Variants in H2BC17 observed in about 807,000 individuals in gnomAD.
H2BC17 encodes histone H2B type 1-O.
Under a neutral mutation model 6.1 loss-of-function variants are expected in H2BC17, and 11 were observed. That is an observed-to-expected ratio of 1.79 (90% CI 1.13 to 2.97). The LOEUF (loss-of-function observed/expected upper bound fraction) is 2.97. Ranked by LOEUF, H2BC17 falls within the 30% of genes most tolerant of loss-of-function variation. The pLI is 0.00. For synonymous variants in H2BC17, 103 were observed against 74.5 expected, an observed-to-expected ratio of 1.38 and a Z score of -1.97; for missense variants, 171 against 171.6, an observed-to-expected ratio of 1.00 and a Z score of 0.02.
Position 27,893,884 on chromosome 6 carries a change from C to T in H2BC17, c.*41C>T, listed in dbSNP as rs1312703664. On this transcript the variant is annotated 3_prime_UTR_variant, in exon 1 of 1. Coordinates refer to ENST00000616182, the MANE Select transcript of H2BC17 (RefSeq NM_003527.4). ...AGCAATCCAAAGGCTCTTTTCAGAG[C>T]CACTCACGCTTCCAGAGAAAGAGCC... The T allele has an allele frequency of 1.9e-6, 3 of 1,611,920 alleles. No individual in the cohort carries two copies. Among genetic ancestry groups the T allele is most frequent in the Non-Finnish European group, 8.5e-7 (1 of 1,178,994 alleles).
chr6:27,893,729 C>CATCA lies in H2BC17; in HGVS notation c.268_271dup (p.Thr91AsnfsTer?), dbSNP rs1395999759. 1 of 1,614,274 alleles carries CATCA rather than the reference C, an allele frequency of 6.2e-7. No homozygotes were observed. The highest frequency in any genetic ancestry group is 2.2e-5 in the East Asian group (1 of 44,888). On this transcript the variant is annotated frameshift_variant, in exon 1 of 1. Transcript: ENST00000616182. LOFTEE classifies it high-confidence loss of function. The stretch of plus-strand genomic sequence containing the variant: ...TGGCGCATTACAACAAGCGCTCGAC[C>CATCA]ATCACCTCCAGGGAGATCCAGACGG...
chr6:27,893,535 A>G lies in H2BC17; in HGVS notation c.73A>G (p.Lys25Glu). ...SKKAVTKAQK[K>E]DGKKRKRSRK... ...GAAAGCCGTAACCAAGGCCCAGAAA[A>G]AGGACGGCAAGAAGCGCAAGCGCAG... The change falls in exon 1 of 1, where the codon AAG (lysine) becomes GAG (glutamate). Residue 25 changes from lysine (K) to glutamate (E), a missense_variant. Coordinates refer to ENST00000616182, the MANE Select transcript of H2BC17 (RefSeq NM_003527.4). 1.2e-6 allele frequency: 2 copies of G among 1,614,158 alleles called. No homozygotes were observed. Among genetic ancestry groups the G allele is most frequent in the Non-Finnish European group, 1.7e-6 (2 of 1,179,996 alleles).
Position 27,893,834 on chromosome 6 carries a change from C to G in H2BC17, c.372C>G (p.Ser124Arg), listed in dbSNP as rs1282443801. Residue 124 changes from serine to arginine, a missense_variant, in exon 1 of 1, where the codon AGC becomes AGG. Physicochemically the swap from Ser to Arg is moderately radical, Grantham distance 110 (BLOSUM62 -1). Coordinates refer to ENST00000616182, the MANE Select transcript of H2BC17 (RefSeq NM_003527.4). The stretch of plus-strand genomic sequence containing the variant: ...CAAAGGCCGTCACCAAGTACACCAG[C>G]TCCAAGTGAGCTCTCGCAGCTGCCA... The part of the protein sequence containing the change: ...EGTKAVTKYT[S>R]SK 6.2e-7 allele frequency: 1 copy of G among 1,614,250 alleles called. No homozygotes were observed. The highest frequency in any genetic ancestry group is 8.5e-7 in the Non-Finnish European group (1 of 1,180,046).
At position 27,893,561 on chromosome 6, in the gene H2BC17, C is replaced by A. The variant is rs778033051; in HGVS notation, c.99C>A (p.Ser33Arg). The A allele has an allele frequency of 6.2e-6, 10 of 1,614,116 alleles. No individual in the cohort carries two copies. The Admixed American group carries it at 1.5e-4, about 24-fold the overall frequency. Reference protein sequence around the residue: ...QKKDGKKRKRSRKESYSIYVY... With the variant: ...QKKDGKKRKRRRKESYSIYVY... ...AGGACGGCAAGAAGCGCAAGCGCAGCCGCAAAGAGAGTTACTCTATCTACG... is the reference window on the plus strand; with the variant it reads ...AGGACGGCAAGAAGCGCAAGCGCAGACGCAAAGAGAGTTACTCTATCTACG... Residue 33 changes from serine to arginine, a missense_variant, in exon 1 of 1, where the codon AGC (serine) becomes AGA (arginine). By Grantham distance (110) the Ser-to-Arg change is moderately radical. Coordinates refer to ENST00000616182, the MANE Select transcript of H2BC17 (RefSeq NM_003527.4).
chr6:27,893,623 G>A lies in H2BC17; in HGVS notation c.161G>A (p.Gly54Asp), dbSNP rs1194104222. Reference sequence around the variant, plus strand: ...CTGAAGCAAGTCCACCCCGACACCGGCATCTCATCGAAGGCCATGGGCATC... The same window carrying A: ...CTGAAGCAAGTCCACCCCGACACCGACATCTCATCGAAGGCCATGGGCATC... ...KVLKQVHPDT[G>D]ISSKAMGIMN... The change falls in exon 1 of 1, where the codon GGC becomes GAC. Residue 54 changes from glycine (G) to aspartate (D), a missense_variant. Coordinates refer to ENST00000616182, the MANE Select transcript of H2BC17 (RefSeq NM_003527.4). 2.5e-6 allele frequency: 4 copies of A among 1,614,230 alleles called. No individual in the cohort carries two copies.
chr6:27,893,816 C>G lies in H2BC17; in HGVS notation c.354C>G (p.Ala118=). 1.9e-6 allele frequency: 3 copies of G among 1,614,236 alleles called. No homozygotes were observed. The highest frequency in any genetic ancestry group is 2.5e-6 in the Non-Finnish European group (3 of 1,180,040). The change falls in exon 1 of 1, where the codon GCC becomes GCG. Residue 118 remains alanine, a synonymous_variant. Coordinates refer to ENST00000616182, the MANE Select transcript of H2BC17 (RefSeq NM_003527.4). ...AKHAVSEGTK[A]VTKYTSSK is the part of the protein sequence containing the mutation. ...ACGCCGTGTCCGAGGGCACAAAGGC[C>G]GTCACCAAGTACACCAGCTCCAAGT...
rs1561948990 is a variant in H2BC17, at chr6:27,893,530, A to G, written c.68A>G (p.Gln23Arg). The change falls in exon 1 of 1, where the codon CAG (glutamine) becomes CGG (arginine). Residue 23 changes from glutamine (Q) to arginine (R), a missense_variant. Transcript: ENST00000616182. ...KGSKKAVTKAQKKDGKKRKRS... is the reference protein window; with the variant it reads ...KGSKKAVTKARKKDGKKRKRS... ...TCCAAGAAAGCCGTAACCAAGGCCC[A>G]GAAAAAGGACGGCAAGAAGCGCAAG... 3 of 1,614,164 alleles carry G rather than the reference A, an allele frequency of 1.9e-6. No individual in the cohort carries two copies. Among genetic ancestry groups the G allele is most frequent in the Middle Eastern group, 1.6e-4 (1 of 6,062 alleles).
Position 27,893,597 on chromosome 6 carries a change from G to A in H2BC17, c.135G>A (p.Val45=), listed in dbSNP as rs760200451. Residue 45 remains valine (V), a synonymous_variant, in exon 1 of 1, where the codon GTG becomes GTA. Transcript: ENST00000616182. ...GTTACTCTATCTACGTGTACAAGGTGCTGAAGCAAGTCCACCCCGACACCG... is the reference window on the plus strand; with the variant it reads ...GTTACTCTATCTACGTGTACAAGGTACTGAAGCAAGTCCACCCCGACACCG... ...KESYSIYVYK[V]LKQVHPDTGI... 3.7e-6 allele frequency: 6 copies of A among 1,614,128 alleles called. No homozygotes were observed. Among genetic ancestry groups the A allele is most frequent in the Non-Finnish European group, 2.5e-6 (3 of 1,180,058 alleles).
chr6:27,893,700 C>T lies in H2BC17; in HGVS notation c.238C>T (p.Arg80Cys). 2 of 1,614,142 alleles carry T rather than the reference C, an allele frequency of 1.2e-6. No individual in the cohort carries two copies. Among genetic ancestry groups the T allele is most frequent in the East Asian group, 2.2e-5 (1 of 44,896 alleles). Residue 80 changes from arginine to cysteine, a missense_variant, in exon 1 of 1, where the codon CGC becomes TGC. Arg to Cys is a radical substitution (Grantham distance 180). Transcript: ENST00000616182. ...TGAGCGCATCGCTGGCGAGGCTTCCCGCCTGGCGCATTACAACAAGCGCTC... is the reference window on the plus strand; with the variant it reads ...TGAGCGCATCGCTGGCGAGGCTTCCTGCCTGGCGCATTACAACAAGCGCTC... ...IFERIAGEASRLAHYNKRSTI... is the reference protein window; with the variant it reads ...IFERIAGEASCLAHYNKRSTI...
In H2BC17 at chr6:27,893,541, G is replaced by T. The variant is rs779330969; in HGVS notation, c.79G>T (p.Gly27Cys). Residue 27 changes from glycine to cysteine, a missense_variant, in exon 1 of 1, where the codon GGC (glycine) becomes TGC (cysteine). Gly to Cys is a radical substitution (Grantham distance 159). Coordinates refer to ENST00000616182, the MANE Select transcript of H2BC17 (RefSeq NM_003527.4). ...CGTAACCAAGGCCCAGAAAAAGGACGGCAAGAAGCGCAAGCGCAGCCGCAA... is the reference window on the plus strand; with the variant it reads ...CGTAACCAAGGCCCAGAAAAAGGACTGCAAGAAGCGCAAGCGCAGCCGCAA... Reference protein sequence around the residue: ...KAVTKAQKKDGKKRKRSRKES... With the variant: ...KAVTKAQKKDCKKRKRSRKES... 3.1e-6 allele frequency: 5 copies of T among 1,614,054 alleles called. No homozygotes were observed. The highest frequency in any genetic ancestry group is 3.4e-6 in the Non-Finnish European group (4 of 1,180,018).
In H2BC17 at chr6:27,893,712, TACA is replaced by T; in HGVS notation, c.255_257del (p.Asn85del). 1 of 1,614,242 alleles carries T rather than the reference TACA, an allele frequency of 6.2e-7. No homozygotes were observed. Among genetic ancestry groups the T allele is most frequent in the Non-Finnish European group, 8.5e-7 (1 of 1,180,030 alleles). On this transcript the variant is annotated inframe_deletion, in exon 1 of 1. Transcript: ENST00000616182. ...TGGCGAGGCTTCCCGCCTGGCGCAT[TACA>T]ACAAGCGCTCGACCATCACCTCCAG... is the stretch of plus-strand genomic sequence containing the variant.
rs746284590 is a variant in H2BC17, at chr6:27,893,576, C to T, written c.114C>T (p.Tyr38=). Residue 38 remains tyrosine (Y), a synonymous_variant, in exon 1 of 1, where the codon TAC becomes TAT. Coordinates refer to ENST00000616182, the MANE Select transcript of H2BC17 (RefSeq NM_003527.4). ...GCAAGCGCAGCCGCAAAGAGAGTTA[C>T]TCTATCTACGTGTACAAGGTGCTGA... ...KKRKRSRKES[Y]SIYVYKVLKQ... is the part of the protein sequence containing the mutation. 2.3e-5 allele frequency: 37 copies of T among 1,614,134 alleles called. No homozygotes were observed. The highest frequency in any genetic ancestry group is 1.6e-4 in the Middle Eastern group (1 of 6,084).
rs1761943089 is a variant in H2BC17 at position 27,893,639 on chromosome 6, C to T, written c.177C>T (p.Ala59=). The T allele has an allele frequency of 6.2e-7, 1 of 1,614,268 alleles. No individual in the cohort carries two copies. Among genetic ancestry groups the T allele is most frequent in the Non-Finnish European group, 8.5e-7 (1 of 1,180,054 alleles). ...CCGACACCGGCATCTCATCGAAGGCCATGGGCATCATGAACTCCTTCGTCA... is the reference window on the plus strand; with the variant it reads ...CCGACACCGGCATCTCATCGAAGGCTATGGGCATCATGAACTCCTTCGTCA... ...VHPDTGISSK[A]MGIMNSFVND... The change falls in exon 1 of 1, where the codon GCC becomes GCT. Residue 59 remains alanine (A), a synonymous_variant. Coordinates refer to ENST00000616182, the MANE Select transcript of H2BC17 (RefSeq NM_003527.4).
Position 27,893,581 on chromosome 6 carries a change from T to G in H2BC17, c.119T>G (p.Ile40Ser), listed in dbSNP as rs1398881031. ...CGCAGCCGCAAAGAGAGTTACTCTA[T>G]CTACGTGTACAAGGTGCTGAAGCAA... ...RKRSRKESYS[I>S]YVYKVLKQVH... is the part of the protein sequence containing the mutation. The change falls in exon 1 of 1, where the codon ATC becomes AGC. Residue 40 changes from isoleucine to serine, a missense_variant. Ile to Ser is a moderately radical substitution (Grantham distance 142). Transcript: ENST00000616182. 1.2e-6 allele frequency: 2 copies of G among 1,614,006 alleles called. No individual in the cohort carries two copies. Among genetic ancestry groups the G allele is most frequent in the African/African-American group, 2.7e-5 (2 of 74,940 alleles).
In H2BC17 at chr6:27,893,865, C is replaced by G. The variant is rs186251163; in HGVS notation, c.*22C>G. Reference sequence around the variant, plus strand: ...GTGAGCTCTCGCAGCTGCCAGCAATCCAAAGGCTCTTTTCAGAGCCACTCA... The same window carrying G: ...GTGAGCTCTCGCAGCTGCCAGCAATGCAAAGGCTCTTTTCAGAGCCACTCA... On this transcript the variant is annotated 3_prime_UTR_variant, in exon 1 of 1. Transcript: ENST00000616182. The G allele has an allele frequency of 7.6e-4, 1,226 of 1,614,044 alleles. 2 individuals carry two copies. The highest frequency in any genetic ancestry group is 2.7e-3 in the Admixed American group (164 of 59,982).
In H2BC17 at chr6:27,893,543, C is replaced by T; in HGVS notation, c.81C>T (p.Gly27=). Residue 27 remains glycine (G), a synonymous_variant, in exon 1 of 1, where the codon GGC becomes GGT. Coordinates refer to ENST00000616182, the MANE Select transcript of H2BC17 (RefSeq NM_003527.4). Reference sequence around the variant, plus strand: ...TAACCAAGGCCCAGAAAAAGGACGGCAAGAAGCGCAAGCGCAGCCGCAAAG... The same window carrying T: ...TAACCAAGGCCCAGAAAAAGGACGGTAAGAAGCGCAAGCGCAGCCGCAAAG... ...KAVTKAQKKD[G]KKRKRSRKES... 3.1e-6 allele frequency: 5 copies of T among 1,614,206 alleles called. No homozygotes were observed. Among genetic ancestry groups the T allele is most frequent in the Non-Finnish European group, 4.2e-6 (5 of 1,180,032 alleles).
chr6:27,893,568 G>A lies in H2BC17; in HGVS notation c.106G>A (p.Glu36Lys), dbSNP rs114740219. The change falls in exon 1 of 1, where the codon GAG (glutamate) becomes AAG (lysine). Residue 36 changes from glutamate (E) to lysine (K), a missense_variant. By Grantham distance (56) the Glu-to-Lys change is moderately conservative. Coordinates refer to ENST00000616182, the MANE Select transcript of H2BC17 (RefSeq NM_003527.4). Reference protein sequence around the residue: ...DGKKRKRSRKESYSIYVYKVL... With the variant: ...DGKKRKRSRKKSYSIYVYKVL... ...CAAGAAGCGCAAGCGCAGCCGCAAA[G>A]AGAGTTACTCTATCTACGTGTACAA... 6 of 1,614,120 alleles carry A rather than the reference G, an allele frequency of 3.7e-6. No individual in the cohort carries two copies. Among genetic ancestry groups the A allele is most frequent in the South Asian group, 1.1e-5 (1 of 91,088 alleles).
At position 27,893,564 on chromosome 6, in the gene H2BC17, CAA is replaced by C. The variant is rs1446914358; in HGVS notation, c.104_105del (p.Lys35ArgfsTer34). 1.9e-6 allele frequency: 3 copies of C among 1,614,090 alleles called. No homozygotes were observed. Among genetic ancestry groups the C allele is most frequent in the East Asian group, 2.2e-5 (1 of 44,880 alleles). On this transcript the variant is annotated frameshift_variant, in exon 1 of 1. Coordinates refer to ENST00000616182, the MANE Select transcript of H2BC17 (RefSeq NM_003527.4). LOFTEE classifies it high-confidence loss of function. ...KDGKKRKRSR[K>X]ESYSIYVYKV... is the part of the protein sequence containing the mutation. The stretch of plus-strand genomic sequence containing the variant: ...ACGGCAAGAAGCGCAAGCGCAGCCG[CAA>C]AGAGAGTTACTCTATCTACGTGTAC...
rs1232215540 is a variant in H2BC17, at chr6:27,893,684, C to G, written c.222C>G (p.Ile74Met). 1 of 1,614,288 alleles carries G rather than the reference C, an allele frequency of 6.2e-7. No homozygotes were observed. Among genetic ancestry groups the G allele is most frequent in the East Asian group, 2.2e-5 (1 of 44,884 alleles). Residue 74 changes from isoleucine to methionine, a missense_variant, in exon 1 of 1, where the codon ATC becomes ATG. Physicochemically the swap from Ile to Met is conservative, Grantham distance 10. Coordinates refer to ENST00000616182, the MANE Select transcript of H2BC17 (RefSeq NM_003527.4). ...TCGTCAATGACATCTTTGAGCGCAT[C>G]GCTGGCGAGGCTTCCCGCCTGGCGC... The part of the protein sequence containing the change: ...NSFVNDIFER[I>M]AGEASRLAHY...
Sources: allele counts gnomAD v4.1 joint callset, GRCh38; gene constraint gnomAD v4.1.1; transcripts MANE v1.5; gene names NCBI Gene and HGNC (gene_info 2026-07-23, HGNC 2026-07-21).